MORC3: variants seen among roughly 807,000 people sequenced by gnomAD.
The protein encoded by MORC3 is MORC family CW-type zinc finger protein 3.
Under a neutral mutation model 109.1 loss-of-function variants are expected in MORC3, and 31 were observed. The observed-to-expected ratio is 0.28, with a 90% confidence interval of 0.21 to 0.38. The LOEUF (loss-of-function observed/expected upper bound fraction) is 0.38, where lower values mean the gene tolerates loss of function less well. MORC3 is among the 10% of genes least tolerant of loss of function. MORC3 has a pLI of 1.00. For missense variants in MORC3, 867 were observed against 1,135.8 expected (o/e 0.76, Z 3.40); for synonymous variants, 395 against 380.7 (o/e 1.04, Z -0.44).
intron 8 of MORC3, among the ~76,000 whole-genome samples, chr21:36,349,007 C>T (rs2146314155): frequency 6.6e-6 from 1 of 151,936 alleles, no homozygotes; most frequent in East Asian, 1.9e-4. Context: ...GAAAAATTAG[C>T]TGGGTTTGGT....
chr21:36,375,481 C>T lies in MORC3; in HGVS notation c.*185C>T, dbSNP rs2085920159. 1 of 521,718 alleles carries T rather than the reference C, an allele frequency of 1.9e-6. No homozygotes were observed. Among genetic ancestry groups the T allele is most frequent in the Non-Finnish European group, 3.3e-6 (1 of 305,590 alleles). The allele number at this position is 521,718 out of a possible 1,614,324, so 32.3% of individuals were successfully genotyped here. A position where few individuals can be genotyped will look rare whatever the true frequency, so the allele number is the denominator to read the frequency against. ...CACATTATCTTATGTTTTGAAATAC[C>T]TGTGAATTGTTGGCATTGAGCAGCT... On this transcript the variant is annotated 3_prime_UTR_variant, in exon 17 of 17. Transcript: ENST00000400485.
chr21:36,335,121 G>GA lies in MORC3; in HGVS notation c.112+1409dup, dbSNP rs200135135. 7.2e-4 allele frequency among the ~76,000 whole-genome samples: 109 copies of GA among 151,576 alleles called. No homozygotes were observed. In the East Asian group the frequency reaches 0.019, roughly 27 times the overall value. On this transcript the variant is annotated intron_variant, in intron 2 of 16. Coordinates refer to ENST00000400485, the MANE Select transcript of MORC3 (RefSeq NM_015358.3). ...GGGCTACAGTGAGACCCTGTCTCCAGAAAAAAGGAAAAGAAAAAGAAAAGA... is the reference window on the plus strand; with the variant it reads ...GGGCTACAGTGAGACCCTGTCTCCAGAAAAAAAGGAAAAGAAAAAGAAAAGA...
chr21:36,330,228 G>A (rs1382974079), intron 1 of MORC3, among the ~76,000 whole-genome samples: 1 of 151,804 alleles, frequency 6.6e-6, no homozygotes, highest in Non-Finnish European at 1.5e-5. Context: ...TCAATTAAGA[G>A]TCAGGCACCC....
chr21:36,346,253 A>G (rs1465853565), intron 8 of MORC3, among the ~76,000 whole-genome samples: 1 of 152,184 alleles, frequency 6.6e-6, no homozygotes, highest in Non-Finnish European at 1.5e-5. Context: ...TCCTGAACTC[A>G]AGTGATCCAC....
intron 10 of MORC3, among the ~76,000 whole-genome samples, chr21:36,358,401 A>C (rs114617473): frequency 6.6e-6 from 1 of 152,024 alleles, no homozygotes; most frequent in Non-Finnish European, 1.5e-5. Flanking sequence ...AAATAAATAA[A>C]ATGAAATAAA....
In MORC3 at chr21:36,369,661, A is replaced by C. The variant is rs887637150; in HGVS notation, c.2293A>C (p.Ser765Arg). The change falls in exon 15 of 17, where the codon AGT (serine) becomes CGT (arginine). Residue 765 changes from serine to arginine, a missense_variant. This residue lies in a region of MORC3 where 486 missense variants were observed against 502.1 expected (regional missense o/e 0.97). Coordinates refer to ENST00000400485, the MANE Select transcript of MORC3 (RefSeq NM_015358.3). The stretch of plus-strand genomic sequence containing the variant: ...TGAAAGTATTAATGGCAAATCTGAA[A>C]GTCCAGACCATATGGTATCTCAGTA... ...LLESINGKSESPDHMVSQYQQ... is the reference protein window; with the variant it reads ...LLESINGKSERPDHMVSQYQQ... The C allele has an allele frequency of 6.8e-6, 11 of 1,614,242 alleles. No homozygotes were observed. Among genetic ancestry groups the C allele is most frequent in the Non-Finnish European group, 9.3e-6 (11 of 1,180,046 alleles).
At position 36,354,323 on chromosome 21, in the gene MORC3, CT is replaced by C. The variant is rs144208712; in HGVS notation, c.1104-2279del. ...TTTTGTTTTCTTTCTTTCTTTCTTT[CT>C]TTTTTTTTTTTTTTTTTGAGATGGA... is the stretch of plus-strand genomic sequence containing the variant. On this transcript the variant is annotated intron_variant, in intron 9 of 16. Transcript: ENST00000400485. Among the ~76,000 whole-genome samples, 440 of 113,628 alleles carry C rather than the reference CT, an allele frequency of 3.9e-3. 1 individual carries two copies. Among genetic ancestry groups the C allele is most frequent in the African/African-American group, 0.011 (321 of 29,212 alleles). 74.5% of individuals were successfully genotyped at this position (113,628 alleles called of 152,430 possible). A position where few individuals can be genotyped will look rare whatever the true frequency, so the allele number is the denominator to read the frequency against.
chr21:36,350,607 A>G (rs1464129581), intron 9 of MORC3, among the ~76,000 whole-genome samples: 1 of 152,108 alleles, frequency 6.6e-6, no homozygotes, highest in Non-Finnish European at 1.5e-5. Context: ...AGCATTTGTC[A>G]AGACTGATTA....
In MORC3 at chr21:36,375,179, A is replaced by G. The variant is rs756730107; in HGVS notation, c.2703A>G (p.Gln901=). 41 of 1,613,744 alleles carry G rather than the reference A, an allele frequency of 2.5e-5. No homozygotes were observed. Among genetic ancestry groups the G allele is most frequent in the South Asian group, 1.3e-4 (12 of 90,998 alleles). The change falls in exon 17 of 17, where the codon CAA becomes CAG. Residue 901 remains glutamine, a synonymous_variant. Transcript: ENST00000400485. ...KLRSLRVNVG[Q]LLAMIVPDLD... ...GATCTCTTCGAGTTAACGTAGGACA[A>G]CTGCTGGCTATGATTGTGCCTGATC...
At chr21:36,361,451 G>A (rs542297410) in intron 12 of MORC3, among the ~76,000 whole-genome samples, 1 of 147,410 alleles carries the variant, frequency 6.8e-6, no homozygotes, top group Non-Finnish European at 1.5e-5. Context: ...GCTGAGGCAG[G>A]AGAATCACTT....
intron 10 of MORC3, among the ~76,000 whole-genome samples, chr21:36,359,121 G>A (rs1363946320): frequency 6.6e-6 from 1 of 152,140 alleles, no homozygotes; most frequent in Admixed American, 6.6e-5. Flanking sequence ...CTGGACTTGA[G>A]TGATTTATTA....
At chr21:36,364,824 G>T (rs2085760591) in intron 14 of MORC3, among the ~76,000 whole-genome samples, 1 of 150,778 alleles carries the variant, frequency 6.6e-6, no homozygotes, top group South Asian at 2.1e-4. Context: ...GGCCGAGGTG[G>T]GTGGATCATT....
At chr21:36,339,532 A>T (rs1050681564) in intron 5 of MORC3, 20 of 151,868 alleles carry the variant, frequency 1.3e-4, no homozygotes. Context: ...AAAAAAGAAA[A>T]AAAGCAATGA....
At chr21:36,374,785 C>T (rs1482918960) in intron 16 of MORC3, among the ~76,000 whole-genome samples, 2 of 152,146 alleles carry the variant, frequency 1.3e-5, no homozygotes, top group African/African-American at 2.4e-5. Flanking sequence ...TGATCCCCCA[C>T]CTCACCCTCT....
intron 1 of MORC3, among the ~76,000 whole-genome samples, chr21:36,327,819 T>C (rs1474929558): frequency 1.4e-5 from 2 of 145,628 alleles, no homozygotes; most frequent in Non-Finnish European, 2.9e-5. Flanking sequence ...CCATTTTGAT[T>C]TTTAGTCTGT....
chr21:36,373,671 T>C (rs993844191), intron 16 of MORC3, among the ~76,000 whole-genome samples: 8 of 149,796 alleles, frequency 5.3e-5, no homozygotes, highest in African/African-American at 2.0e-4. Flanking sequence ...TTATCAAAGG[T>C]CTAGTGGACT....
intron 5 of MORC3, among the ~76,000 whole-genome samples, chr21:36,340,638 C>CT (rs34899654): frequency 0.59 from 72,387 of 123,590 alleles, 20,962 homozygotes; most frequent in East Asian, 0.97. Context: ...TTCTTTCTTT[C>CT]TTTTTTTTTT....
chr21:36,331,776 A>C (rs1234763680), intron 1 of MORC3, among the ~76,000 whole-genome samples: 1 of 152,220 alleles, frequency 6.6e-6, no homozygotes, highest in Admixed American at 6.5e-5. Flanking sequence ...GATGCAATGC[A>C]AATTTGTTGC....
In MORC3 at chr21:36,344,995, C is replaced by A; in HGVS notation, c.969C>A (p.Leu323=). ...TAATGATGTATCACAGAAATAGACT[C>A]ATCAAAGCTTATGAAAAAGTTGGAT... ...YGIMMYHRNR[L]IKAYEKVGCQ... The change falls in exon 8 of 17, where the codon CTC becomes CTA. Residue 323 remains leucine, a synonymous_variant. Transcript: ENST00000400485. 1 of 1,606,108 alleles carries A rather than the reference C, an allele frequency of 6.2e-7. No individual in the cohort carries two copies. Among genetic ancestry groups the A allele is most frequent in the South Asian group, 1.1e-5 (1 of 88,492 alleles).
Sources: gnomAD v4.1 joint callset for allele counts (sites outside exome capture counted in the v4.1 genomes callset) on GRCh38, gnomAD v4.1.1 for gene constraint, gnomAD v4.1.1 regional missense constraint, MANE v1.5 for transcripts, NCBI Gene and HGNC (gene_info 2026-07-23, HGNC 2026-07-21) for gene names.